EPS8L2: variants seen among roughly 807,000 people sequenced by gnomAD.
The protein encoded by EPS8L2 is EPS8 signaling adaptor L2.
In EPS8L2, 81 loss-of-function variants were observed where a neutral mutation model predicts 99.4. That is an observed-to-expected ratio of 0.82 (90% confidence interval 0.68 to 0.98). EPS8L2 has a LOEUF of 0.98. EPS8L2 is among the 50% of genes least tolerant of loss of function. EPS8L2 has a pLI of 0.00. For synonymous variants in EPS8L2, 509 were observed against 407.3 expected, an observed-to-expected ratio of 1.25 and a Z score of -3.01; for missense variants, 1,155 against 968.8, an observed-to-expected ratio of 1.19 and a Z score of -2.55.
In EPS8L2 at chr11:719,950, C is replaced by T. The variant is rs971751305; in HGVS notation, c.166-112C>T. The stretch of plus-strand genomic sequence containing the variant: ...GGCGGGGCCGGTCCCCGTTCTAGCC[C>T]CCTACCCAGGGTTGGCTGTGGCCCC... On this transcript the variant is annotated intron_variant, in intron 4 of 20. Transcript: ENST00000318562. 5.6e-6 allele frequency: 6 copies of T among 1,079,408 alleles called. No homozygotes were observed. The African/African-American group carries it at 8.0e-5, about 14-fold the overall frequency. 66.9% of individuals were successfully genotyped at this position (1,079,408 alleles called of 1,614,324 possible).
intron 14 of EPS8L2, 105 bp downstream of exon 14, chr11:722,910 C>CA: frequency 1.5e-6 from 1 of 688,218 alleles, no homozygotes; most frequent in Non-Finnish European, 2.3e-6. Flanking sequence ...GCTCCCCCCC[C>CA]AGCCCTGACA....
In EPS8L2 at chr11:709,341, G is replaced by A. The variant is rs531187103; in HGVS notation, c.-67G>A. 3.0e-5 allele frequency: 46 copies of A among 1,519,754 alleles called. 1 individual carries two copies. In the South Asian group the frequency reaches 4.3e-4, roughly 14 times the overall value. 94.1% of individuals were successfully genotyped at this position (1,519,754 alleles called of 1,614,324 possible). ...TTCTGTCCACCCAGGTGTGGGACAG[G>A]CACTGGCCTCAGACCGGGGCCACAC... On this transcript the variant is annotated 5_prime_UTR_variant, in exon 2 of 21. Coordinates refer to ENST00000318562, the MANE Select transcript of EPS8L2 (RefSeq NM_022772.4).
intron 4 of EPS8L2, 131 bp from the exon 5 acceptor site, chr11:719,931 G>A (rs1280856208): frequency 2.5e-6 from 2 of 785,646 alleles, no homozygotes; most frequent in Non-Finnish European, 4.1e-6. Flanking sequence ...CAAAGGCGGG[G>A]CCGGTCCCCG....
Position 726,902 on chromosome 11 carries a change from A to G in EPS8L2, c.2069A>G (p.Lys690Arg). 1 of 1,612,702 alleles carries G rather than the reference A, an allele frequency of 6.2e-7. No individual in the cohort carries two copies. Among genetic ancestry groups the G allele is most frequent in the Non-Finnish European group, 8.5e-7 (1 of 1,179,656 alleles). Residue 690 changes from lysine to arginine, a missense_variant and splice_region_variant, in exon 21 of 21, where the codon AAG (lysine) becomes AGG (arginine). Lys to Arg is a conservative substitution (Grantham distance 26). Coordinates refer to ENST00000318562, the MANE Select transcript of EPS8L2 (RefSeq NM_022772.4). The stretch of plus-strand genomic sequence containing the variant: ...GATGCCCCCATTTCTCCTCCCTAGA[A>G]GCAGCAAAGTGGGTCGGAGCTGGAA... ...QLTMQKAFLE[K>R]QQSGSELEEL...
intron 4 of EPS8L2, among the ~76,000 whole-genome samples, chr11:712,873 G>A (rs1861927351): frequency 6.6e-6 from 1 of 152,272 alleles, no homozygotes; most frequent in Admixed American, 6.5e-5. Flanking sequence ...GCACAGAGCA[G>A]TGGCCGAGTT....
chr11:709,456 G>GGCCAAA lies in EPS8L2; in HGVS notation c.44+5_44+6insGCCAAA. ...CTGCTGCCCGGGTGCCACCAAGTGAGCCCTCCCACCCATCCCGAATACCCC... is the reference window on the plus strand; with the variant it reads ...CTGCTGCCCGGGTGCCACCAAGTGAGGCCAAACCCTCCCACCCATCCCGAATACCCC... On this transcript the variant is annotated splice_donor_region_variant and intron_variant, in intron 2 of 20. Coordinates refer to ENST00000318562, the MANE Select transcript of EPS8L2 (RefSeq NM_022772.4). The GGCCAAA allele has an allele frequency of 6.3e-7, 1 of 1,588,546 alleles. No homozygotes were observed. Among genetic ancestry groups the GGCCAAA allele is most frequent in the Non-Finnish European group, 8.6e-7 (1 of 1,164,910 alleles).
Position 722,329 on chromosome 11 carries a change from C to T in EPS8L2, c.1060-72C>T, listed in dbSNP as rs978702942. On this transcript the variant is annotated intron_variant, in intron 12 of 20. Transcript: ENST00000318562. Reference sequence around the variant, plus strand: ...TCCAAAGTCCCTTCCCGAGGGCCAGCCTGTGGAGCTACGGGGGTGCTGGGC... The same window carrying T: ...TCCAAAGTCCCTTCCCGAGGGCCAGTCTGTGGAGCTACGGGGGTGCTGGGC... The T allele has an allele frequency of 9.5e-6, 15 of 1,576,982 alleles. No individual in the cohort carries two copies. In the African/African-American group the frequency reaches 1.6e-4, roughly 17 times the overall value.
At position 727,148 on chromosome 11, in the gene EPS8L2, A is replaced by G; in HGVS notation, c.*167A>G. 1 of 593,240 alleles carries G rather than the reference A, an allele frequency of 1.7e-6. No homozygotes were observed. The highest frequency in any genetic ancestry group is 3.0e-5 in the Admixed American group (1 of 33,460). 36.7% of individuals were successfully genotyped at this position (593,240 alleles called of 1,614,324 possible). A position where few individuals can be genotyped will look rare whatever the true frequency, so the allele number is the denominator to read the frequency against. On this transcript the variant is annotated 3_prime_UTR_variant, in exon 21 of 21. Transcript: ENST00000318562. ...GGCACAACGCCCATCCTTAGGCCAA[A>G]CAGTACCCAAGGCCTCAGCCCACAC...
chr11:714,450 C>T (rs1459892053), intron 4 of EPS8L2, among the ~76,000 whole-genome samples: 2 of 151,466 alleles, frequency 1.3e-5, no homozygotes, highest in Admixed American at 6.6e-5. Context: ...AGGCTGGTCT[C>T]GAACTCCTGA....
intron 11 of EPS8L2, 41 bp from the exon 12 acceptor site, chr11:722,050 C>A: frequency 6.2e-7 from 1 of 1,607,880 alleles, no homozygotes; most frequent in East Asian, 2.2e-5. Context: ...GGTGGAGGCC[C>A]CGCCCCGCCC....
At chr11:720,965 G>GGGGA (rs1862145581) in intron 7 of EPS8L2, 56 bp downstream of exon 7, 15 of 1,291,380 alleles carry the variant, frequency 1.2e-5, no homozygotes, top group Non-Finnish European at 1.4e-5. Context: ...GAGCCCGGCA[G>GGGGA]GGGAGGGGAG....
In EPS8L2 at chr11:721,147, G is replaced by A. The variant is rs904131729; in HGVS notation, c.641G>A (p.Gly214Asp). ...GCGCCCATCCCCTTCCAGCACCGCG[G>A]CGGGGATTCCCCGGAGGCCAAGAAT... is the stretch of plus-strand genomic sequence containing the variant. ...GPAPIPFQHR[G>D]GDSPEAKNRV... The change falls in exon 8 of 21, where the codon GGC (glycine) becomes GAC (aspartate). Residue 214 changes from glycine to aspartate, a missense_variant. By Grantham distance (94) the Gly-to-Asp change is moderately conservative. Coordinates refer to ENST00000318562, the MANE Select transcript of EPS8L2 (RefSeq NM_022772.4). 1.5e-5 allele frequency: 23 copies of A among 1,536,418 alleles called. No individual in the cohort carries two copies. The highest frequency in any genetic ancestry group is 7.2e-5 in the South Asian group (6 of 83,694).
chr11:707,698 G>A (rs1010117512), intron 1 of EPS8L2, among the ~76,000 whole-genome samples: 5 of 152,162 alleles, frequency 3.3e-5, no homozygotes, highest in African/African-American at 4.8e-5. Flanking sequence ...ACTGCTGCCC[G>A]GCCCTGCCTG....
At chr11:719,934 G>A (rs779587202) in intron 4 of EPS8L2, 128 bp from the exon 5 acceptor site, 13 of 818,838 alleles carry the variant, frequency 1.6e-5, no homozygotes, top group African/African-American at 5.2e-5. Context: ...AGGCGGGGCC[G>A]GTCCCCGTTC....
At chr11:709,931 C>G in intron 3 of EPS8L2, 1 of 470,468 alleles carries the variant, frequency 2.1e-6, no homozygotes. Flanking sequence ...GGAGGGGGGC[C>G]TGGCCAGCCC....
chr11:712,442 C>A (rs1019984503), intron 4 of EPS8L2, among the ~76,000 whole-genome samples: 5 of 147,204 alleles, frequency 3.4e-5, no homozygotes, highest in Non-Finnish European at 6.0e-5. Flanking sequence ...GCTGGGCTCC[C>A]GGTTGTCGTC....
intron 3 of EPS8L2, chr11:709,905 C>T: frequency 2.0e-6 from 1 of 505,774 alleles, no homozygotes; most frequent in Non-Finnish European, 3.6e-6. Context: ...GGATAAGCCG[C>T]CAGGTGTCTG....
rs1862266732 is a variant in EPS8L2 at position 724,556 on chromosome 11, G to A, written c.1455-168G>A. The stretch of plus-strand genomic sequence containing the variant: ...GCCCCAAAGCTCTGGGGCTGTCACA[G>A]TTTCCATTCCGGGCTGACGCTGCCT... On this transcript the variant is annotated intron_variant, in intron 15 of 20. Transcript: ENST00000318562. The surrounding 1 kb of genome is among the most constrained non-coding windows in gnomAD (Gnocchi z 5.5). 3 of 610,160 alleles carry A rather than the reference G, an allele frequency of 4.9e-6. No homozygotes were observed. The highest frequency in any genetic ancestry group is 2.7e-5 in the Admixed American group (1 of 36,662). 37.8% of individuals were successfully genotyped at this position (610,160 alleles called of 1,614,324 possible).
chr11:716,545 C>T (rs1302118325), intron 4 of EPS8L2, among the ~76,000 whole-genome samples: 1 of 152,232 alleles, frequency 6.6e-6, no homozygotes, highest in Non-Finnish European at 1.5e-5. Context: ...GCGTGAGCCA[C>T]CGTGCCTGGC....
Sources: gnomAD v4.1 joint callset for allele counts (sites outside exome capture counted in the v4.1 genomes callset) on GRCh38, gnomAD v4.1.1 for gene constraint, Gnocchi (gnomAD v3.1) non-coding constraint, MANE v1.5 for transcripts, NCBI Gene and HGNC (gene_info 2026-07-23, HGNC 2026-07-21) for gene names.